The following EPB41 variants were observed in gnomAD, a reference collection of about 807,000 sequenced individuals.
EPB41 encodes erythrocyte membrane protein band 4.1.
Under a neutral mutation model 108.0 loss-of-function variants are expected in EPB41, and 65 were observed. The ratio of observed to expected loss-of-function variants is 0.60; its 90% CI spans 0.49 to 0.74. EPB41 has a LOEUF of 0.74. Ranked by LOEUF, EPB41 falls within the 30% of genes least tolerant of loss-of-function variation. The pLI is 0.00. For synonymous variants in EPB41, 336 were observed against 358.9 expected, an observed-to-expected ratio of 0.94 and a Z score of 0.72; for missense variants, 875 against 1,037.0, an observed-to-expected ratio of 0.84 and a Z score of 2.15.
chr1:28,984,679 A>G (rs2095835088), intron 1 of EPB41, among the ~76,000 whole-genome samples: 1 of 147,686 alleles, frequency 6.8e-6, no homozygotes, highest in Non-Finnish European at 1.5e-5. Context: ...TTTTTTTGAG[A>G]CAAGGTGTTG....
chr1:29,082,733 C>T (rs1319459493), intron 16 of EPB41, among the ~76,000 whole-genome samples: 1 of 152,108 alleles, frequency 6.6e-6, no homozygotes, highest in Non-Finnish European at 1.5e-5. Flanking sequence ...TGAGAACACT[C>T]ATTTGATCTG....
chr1:29,082,899 A>G (rs370301831), intron 16 of EPB41, among the ~76,000 whole-genome samples: 1 of 152,198 alleles, frequency 6.6e-6, no homozygotes, highest in East Asian at 1.9e-4. Context: ...AATTATAAAA[A>G]CAATGTTTGA....
chr1:28,936,450 A>G (rs1158555399), intron 1 of EPB41, among the ~76,000 whole-genome samples: 1 of 152,222 alleles, frequency 6.6e-6, no homozygotes. Context: ...TACCATTTTC[A>G]AATGTACAAT....
At chr1:28,998,570 C>T (rs1475031833) in intron 4 of EPB41, among the ~76,000 whole-genome samples, 1 of 152,150 alleles carries the variant, frequency 6.6e-6, no homozygotes, top group Non-Finnish European at 1.5e-5. Flanking sequence ...ATGGAATTAT[C>T]CTTTTCCTAA....
intron 17 of EPB41, among the ~76,000 whole-genome samples, chr1:29,103,438 T>A (rs1346517767): frequency 1.3e-5 from 2 of 152,226 alleles, no homozygotes; most frequent in Non-Finnish European, 2.9e-5. Context: ...CGACATTTGC[T>A]AGTTTTGTGA....
chr1:29,096,280 G>T, intron 16 of EPB41: 10 of 985,840 alleles, frequency 1.0e-5, no homozygotes, highest in Non-Finnish European at 1.2e-5. Context: ...TGACCACCTC[G>T]TCGGAGTCTC....
intron 1 of EPB41, among the ~76,000 whole-genome samples, chr1:28,948,651 A>G (rs1290807418): frequency 1.3e-5 from 2 of 151,964 alleles, no homozygotes; most frequent in Non-Finnish European, 2.9e-5. Flanking sequence ...TATTTGATTC[A>G]TTAAAAAGAA....
chr1:29,052,205 A>G (rs183080577), intron 11 of EPB41, among the ~76,000 whole-genome samples: 3 of 152,322 alleles, frequency 2.0e-5, no homozygotes, highest in Admixed American at 2.0e-4. Context: ...AGTCTATACA[A>G]CTTTTCCCCT....
intron 1 of EPB41, among the ~76,000 whole-genome samples, chr1:28,923,547 G>A (rs2093266199): frequency 6.6e-6 from 1 of 152,094 alleles, no homozygotes; most frequent in Non-Finnish European, 1.5e-5. Context: ...TGATTAAATA[G>A]TAAAGGTCAG....
chr1:28,986,464 A>G (rs1338888366), intron 1 of EPB41, among the ~76,000 whole-genome samples: 1 of 152,198 alleles, frequency 6.6e-6, no homozygotes, highest in Non-Finnish European at 1.5e-5. Flanking sequence ...GAAATATGTA[A>G]GGTCAGCTGC....
chr1:29,098,438 G>A (rs1013743700), intron 17 of EPB41, among the ~76,000 whole-genome samples: 3 of 152,104 alleles, frequency 2.0e-5, no homozygotes, highest in Non-Finnish European at 2.9e-5. Context: ...CTCGTGATCC[G>A]CCTGTCTTGG....
At chr1:28,993,860 T>C (rs115710975) in intron 3 of EPB41, among the ~76,000 whole-genome samples, 3,785 of 151,898 alleles carry the variant, frequency 0.025, 155 homozygotes, top group African/African-American at 0.087. Context: ...TTTCACCATA[T>C]TGGTCAGGCT....
rs767288865 is a variant in EPB41, at chr1:28,962,146, C to T, written c.-7-25285C>T. ...CGCTATCTTGGCTCACTACAACCTC[C>T]GCCTCCCAGGTTCAAGCGATTCTCC... is the stretch of plus-strand genomic sequence containing the variant. On this transcript the variant is annotated intron_variant, in intron 1 of 20. Coordinates refer to ENST00000343067, the MANE Select transcript of EPB41 (RefSeq NM_001376013.1). Among the ~76,000 whole-genome samples, 8 of 151,808 alleles carry T rather than the reference C, an allele frequency of 5.3e-5. No homozygotes were observed. The South Asian group carries it at 6.2e-4, about 12-fold the overall frequency.
In EPB41 at chr1:28,960,093, G is replaced by C. The variant is rs2095139753; in HGVS notation, c.-7-27338G>C. ...CTGCCCACTGTAGCCTCGACCTCCTGGCTCAAGTAGTTAGTCTTCCTGCCT... is the reference window on the plus strand; with the variant it reads ...CTGCCCACTGTAGCCTCGACCTCCTCGCTCAAGTAGTTAGTCTTCCTGCCT... On this transcript the variant is annotated intron_variant, in intron 1 of 20. Transcript: ENST00000343067. Among the ~76,000 whole-genome samples the C allele has an allele frequency of 3.3e-5, 5 of 149,606 alleles. 1 individual carries two copies. In the South Asian group the frequency reaches 8.4e-4, roughly 25 times the overall value.
chr1:29,037,329 G>A (rs1298826958), intron 10 of EPB41, among the ~76,000 whole-genome samples: 1 of 149,624 alleles, frequency 6.7e-6, no homozygotes, highest in Non-Finnish European at 1.5e-5. Context: ...TGATCTGCTC[G>A]CCTCGGCCTC....
At chr1:28,967,415 G>A (rs1315048443) in intron 1 of EPB41, among the ~76,000 whole-genome samples, 1 of 152,162 alleles carries the variant, frequency 6.6e-6, no homozygotes, top group Non-Finnish European at 1.5e-5. Flanking sequence ...GGGAGAGGAT[G>A]TCTAGAATGA....
chr1:29,035,763 C>T, intron 9 of EPB41, 63 bp from the exon 10 acceptor site: 1 of 1,199,512 alleles, frequency 8.3e-7, no homozygotes, highest in East Asian at 2.3e-5. Flanking sequence ...TACTGTATCA[C>T]TGTAATCTGG....
intron 17 of EPB41, among the ~76,000 whole-genome samples, chr1:29,105,743 C>CTTTTTTTTTTT (rs63685960): frequency 1.1e-5 from 1 of 91,082 alleles, no homozygotes; most frequent in Non-Finnish European, 2.0e-5. Context: ...ATGTACAGAT[C>CTTTTTTTTTTT]TTTTTTTTTT....
chr1:28,890,360 G>T (rs528755500), intron 1 of EPB41, among the ~76,000 whole-genome samples: 1 of 152,096 alleles, frequency 6.6e-6, no homozygotes, highest in African/African-American at 2.4e-5. Context: ...TATTAAAGGG[G>T]GTGGGATTCC....
Sources: allele counts gnomAD v4.1 joint callset (sites outside exome capture counted in the v4.1 genomes callset), GRCh38; gene constraint gnomAD v4.1.1; transcripts MANE v1.5; gene names NCBI Gene and HGNC (gene_info 2026-07-23, HGNC 2026-07-21).